SRPK2: variants seen among roughly 807,000 people sequenced by gnomAD.
The protein encoded by SRPK2 is SRSF protein kinase 2, also known as SFRS protein kinase 2.
A neutral mutation model predicts 90.8 loss-of-function variants in SRPK2; 21 were observed. That is an observed-to-expected ratio of 0.23 (90% CI 0.16 to 0.33). The LOEUF is 0.33. Ranked by LOEUF, SRPK2 falls within the 10% of genes least tolerant of loss-of-function variation. The pLI, the probability that SRPK2 is intolerant of heterozygous loss-of-function variation, is 1.00. For synonymous variants in SRPK2, 288 were observed against 311.1 expected, an observed-to-expected ratio of 0.93 and a Z score of 0.78; for missense variants, 620 against 869.0, an observed-to-expected ratio of 0.71 and a Z score of 3.60.
intron 2 of SRPK2, among the ~76,000 whole-genome samples, chr7:105,321,685 A>G (rs1277983661): frequency 4.6e-5 from 7 of 152,232 alleles, no homozygotes; most frequent in Non-Finnish European, 1.0e-4. Flanking sequence ...GTCAACAAGA[A>G]TATGAAAAGA....
rs148047253 is a variant in SRPK2, at chr7:105,120,995, T to A, written c.1916-2973A>T. ...TTAAGAATAAGAGGGGAAAGCATATTTTAAAAACACATTTTCACCATTTGC... is the reference window on the plus strand; with the variant it reads ...TTAAGAATAAGAGGGGAAAGCATATATTAAAAACACATTTTCACCATTTGC... On this transcript the variant is annotated intron_variant, in intron 15 of 15. Coordinates refer to ENST00000393651, the MANE Select transcript of SRPK2 (RefSeq NM_182692.3). 5.6e-4 allele frequency among the ~76,000 whole-genome samples: 85 copies of A among 152,258 alleles called. 1 individual carries two copies. The highest frequency in any genetic ancestry group is 1.8e-3 in the African/African-American group (75 of 41,540).
chr7:105,125,129 CAAAAAA>C (rs61616576), intron 15 of SRPK2, among the ~76,000 whole-genome samples: 2 of 88,100 alleles, frequency 2.3e-5, no homozygotes, highest in African/African-American at 4.9e-5. Flanking sequence ...GACTCCATCT[CAAAAAA>C]AAAAAAAAAA....
chr7:105,373,454 G>C (rs1337364798), intron 2 of SRPK2, among the ~76,000 whole-genome samples: 1 of 146,038 alleles, frequency 6.8e-6, no homozygotes, highest in Admixed American at 7.0e-5. Context: ...CCAGGATGGA[G>C]TGCAGCGGCA....
intron 2 of SRPK2, among the ~76,000 whole-genome samples, chr7:105,376,519 T>C (rs967978854): frequency 3.3e-5 from 5 of 151,586 alleles, no homozygotes; most frequent in Admixed American, 6.6e-5. Flanking sequence ...ACTAGCTCCT[T>C]GCCATCCTTT....
At chr7:105,288,148 C>T (rs561977756) in intron 2 of SRPK2, among the ~76,000 whole-genome samples, 31 of 152,302 alleles carry the variant, frequency 2.0e-4, no homozygotes, top group Middle Eastern at 3.4e-3. Flanking sequence ...AAAAGGAAGT[C>T]TTATGGAAGT....
chr7:105,270,043 A>G (rs1444969425), intron 2 of SRPK2, among the ~76,000 whole-genome samples: 2 of 152,246 alleles, frequency 1.3e-5, no homozygotes, highest in Non-Finnish European at 2.9e-5. Flanking sequence ...ATATGAGAAG[A>G]TGTAAAGGAA....
intron 6 of SRPK2, among the ~76,000 whole-genome samples, chr7:105,161,321 A>T (rs1382497859): frequency 6.6e-6 from 1 of 152,166 alleles, no homozygotes; most frequent in Non-Finnish European, 1.5e-5. Context: ...CTTAATTTCT[A>T]CTACTTTTTA....
At chr7:105,189,839 T>G (rs941480428) in intron 3 of SRPK2, 2 of 152,604 alleles carry the variant, frequency 1.3e-5, no homozygotes, top group Non-Finnish European at 2.9e-5. Context: ...GAAGTTCTTT[T>G]ATAACTCTTT....
chr7:105,320,675 A>T (rs1052830534), intron 2 of SRPK2, among the ~76,000 whole-genome samples: 1 of 152,230 alleles, frequency 6.6e-6, no homozygotes, highest in Non-Finnish European at 1.5e-5. Context: ...ATCAAAAACC[A>T]AACTGTGGCC....
At chr7:105,232,281 A>T (rs1799519704) in intron 2 of SRPK2, among the ~76,000 whole-genome samples, 1 of 152,034 alleles carries the variant, frequency 6.6e-6, no homozygotes, top group African/African-American at 2.4e-5. Flanking sequence ...ACCAACATGG[A>T]GAAATCCGTC....
intron 2 of SRPK2, among the ~76,000 whole-genome samples, chr7:105,267,569 C>T (rs899539558): frequency 2.6e-5 from 4 of 152,152 alleles, no homozygotes; most frequent in Non-Finnish European, 5.9e-5. Context: ...CACTAGCAGT[C>T]CTAAAATTTT....
intron 4 of SRPK2, 93 bp from the exon 5 acceptor site, chr7:105,168,188 G>T: frequency 9.3e-7 from 1 of 1,080,486 alleles, no homozygotes; most frequent in Non-Finnish European, 1.3e-6. Flanking sequence ...ATTGGAAAAT[G>T]TAAAATCCAA....
intron 2 of SRPK2, among the ~76,000 whole-genome samples, chr7:105,230,966 G>A (rs1799355114): frequency 1.3e-5 from 2 of 152,244 alleles, no homozygotes; most frequent in East Asian, 1.9e-4. Context: ...TTTAGGTTCA[G>A]GGGTACATGT....
At chr7:105,389,051 G>A (rs1030419353), upstream of SRPK2, 2 of 728,298 alleles carry the variant, frequency 2.7e-6, no homozygotes, top group Non-Finnish European at 3.2e-6. Context: ...CCAGCGCCCC[G>A]CGCCCCCGCC....
chr7:105,169,120 C>A (rs746387256), intron 4 of SRPK2, 37 bp downstream of exon 4: 1 of 1,568,998 alleles, frequency 6.4e-7, no homozygotes. Context: ...TTGAACTACT[C>A]CAGGAAACAA....
intron 7 of SRPK2, among the ~76,000 whole-genome samples, chr7:105,159,657 TAGG>T (rs1330663338): frequency 1.3e-5 from 2 of 152,012 alleles, no homozygotes; most frequent in Admixed American, 6.5e-5. Flanking sequence ...CACTGCTAAT[TAGG>T]AGGAGTTCTT....
chr7:105,261,030 A>AAAAC (rs1156629277), intron 2 of SRPK2, among the ~76,000 whole-genome samples: 5 of 151,552 alleles, frequency 3.3e-5, no homozygotes, highest in Admixed American at 1.3e-4. Flanking sequence ...ATTAAAAAAA[A>AAAAC]AAAAAAAAAA....
chr7:105,196,706 C>A (rs776314804), intron 3 of SRPK2, among the ~76,000 whole-genome samples: 19 of 152,282 alleles, frequency 1.2e-4, no homozygotes, highest in Non-Finnish European at 2.2e-4. Context: ...TTTTACTGTA[C>A]AAATATCAAT....
chr7:105,176,571 G>GTGTC (rs1252237602), intron 3 of SRPK2, among the ~76,000 whole-genome samples: 11 of 130,628 alleles, frequency 8.4e-5, no homozygotes, highest in African/African-American at 3.1e-4. Context: ...GTGTGTGTGT[G>GTGTC]TGTGTGTGTA....
Sources: gnomAD v4.1 joint callset for allele counts (sites outside exome capture counted in the v4.1 genomes callset) on GRCh38, gnomAD v4.1.1 for gene constraint, MANE v1.5 for transcripts, NCBI Gene and HGNC (gene_info 2026-07-23, HGNC 2026-07-21) for gene names.